Variants in SORBS2 observed in about 807,000 individuals in gnomAD.
SORBS2 encodes the protein sorbin and SH3 domain-containing protein 2.
A neutral mutation model predicts 97.7 loss-of-function variants in SORBS2; 46 were observed. That is an observed-to-expected ratio of 0.47 (90% CI 0.37 to 0.60). The LOEUF (loss-of-function observed/expected upper bound fraction) is 0.60, where lower values mean the gene tolerates loss of function less well. Ranked by LOEUF, SORBS2 falls within the 20% of genes least tolerant of loss-of-function variation. SORBS2 has a pLI of 0.00. For synonymous variants in SORBS2, 476 were observed against 473.4 expected (o/e 1.01, Z -0.07); for missense variants, 1,316 against 1,282.3 (o/e 1.03, Z -0.40).
chr4:185,816,048 T>A (rs2099193100), intron 1 of SORBS2, among the ~76,000 whole-genome samples: 1 of 152,242 alleles, frequency 6.6e-6, no homozygotes, highest in African/African-American at 2.4e-5. Flanking sequence ...CTACCATTAC[T>A]GTTACTCTGA....
chr4:185,895,826 AT>A (rs2099244745), intron 1 of SORBS2, among the ~76,000 whole-genome samples: 1 of 152,216 alleles, frequency 6.6e-6, no homozygotes, highest in African/African-American at 2.4e-5. Context: ...AAAGAATTTA[AT>A]TTTCAAATAA....
intron 1 of SORBS2, among the ~76,000 whole-genome samples, chr4:185,825,931 A>C (rs2099199533): frequency 6.6e-6 from 1 of 152,188 alleles, no homozygotes; most frequent in South Asian, 2.1e-4. Context: ...GCTATAGACT[A>C]TCTTCACCTG....
At chr4:185,676,783 A>C (rs148929315) in intron 4 of SORBS2, among the ~76,000 whole-genome samples, 1,873 of 152,328 alleles carry the variant, frequency 0.012, 18 homozygotes, top group Admixed American at 0.025. Context: ...TTTCTGGATG[A>C]AAGATCTGTA....
chr4:185,947,517 C>T lies in SORBS2; in HGVS notation c.-338+8679G>A, dbSNP rs181923250. Among the ~76,000 whole-genome samples the T allele has an allele frequency of 3.8e-4, 58 of 152,332 alleles. No homozygotes were observed. The East Asian group carries it at 0.011, about 28-fold the overall frequency. On this transcript the variant is annotated intron_variant, in intron 1 of 20. Coordinates refer to the SORBS2 transcript ENST00000284776. ...AGGCAAACCTGGGTTCCAACCCAACCTTCCAATTGCCAGCTCTGTGGTCTT... is the reference window on the plus strand; with the variant it reads ...AGGCAAACCTGGGTTCCAACCCAACTTTCCAATTGCCAGCTCTGTGGTCTT...
At chr4:185,846,379 G>C (rs371917320) in intron 1 of SORBS2, among the ~76,000 whole-genome samples, 14 of 152,314 alleles carry the variant, frequency 9.2e-5, no homozygotes, top group African/African-American at 3.4e-4. Context: ...ATCAGGGTTT[G>C]CCAGGGGCTG....
At chr4:185,781,911 C>T (rs2099033087) in intron 1 of SORBS2, among the ~76,000 whole-genome samples, 1 of 152,260 alleles carries the variant, frequency 6.6e-6, no homozygotes, top group Non-Finnish European at 1.5e-5. Flanking sequence ...AATCACCTTC[C>T]TCATTCCTTC....
At chr4:185,879,136 A>T (rs1379824589) in intron 1 of SORBS2, among the ~76,000 whole-genome samples, 1 of 136,682 alleles carries the variant, frequency 7.3e-6, no homozygotes. Context: ...CTCGCCATTT[A>T]CATTAGGTAT....
intron 1 of SORBS2, among the ~76,000 whole-genome samples, chr4:185,912,112 T>A (rs1325410700): frequency 6.6e-6 from 1 of 152,212 alleles, no homozygotes; most frequent in Non-Finnish European, 1.5e-5. Context: ...ATGCACAAAA[T>A]GCATGTTTAA....
chr4:185,641,831 C>T (rs888862920), intron 4 of SORBS2, among the ~76,000 whole-genome samples: 14 of 150,968 alleles, frequency 9.3e-5, no homozygotes, highest in South Asian at 2.1e-4. Context: ...TGCAAGAGGA[C>T]GTGTTCAAGA....
chr4:185,719,646 C>T (rs1025384882), intron 2 of SORBS2, among the ~76,000 whole-genome samples: 6 of 152,160 alleles, frequency 3.9e-5, no homozygotes, highest in Non-Finnish European at 7.4e-5. Context: ...AGTTTTTAGC[C>T]GCAAATGAGT....
chr4:185,690,817 G>A (rs908661083), intron 2 of SORBS2, among the ~76,000 whole-genome samples: 25 of 152,138 alleles, frequency 1.6e-4, no homozygotes, highest in African/African-American at 6.0e-4. Context: ...TCATAAAACA[G>A]ACATATTCTG....
chr4:185,887,202 T>C (rs2149792721), intron 1 of SORBS2, among the ~76,000 whole-genome samples: 1 of 152,356 alleles, frequency 6.6e-6, no homozygotes, highest in East Asian at 1.9e-4. Context: ...ACATAGGCGC[T>C]CACAGTTCAA....
At chr4:185,800,680 C>T (rs561215834) in intron 1 of SORBS2, among the ~76,000 whole-genome samples, 1 of 152,278 alleles carries the variant, frequency 6.6e-6, no homozygotes, top group South Asian at 2.1e-4. Flanking sequence ...CTCTTTTCTT[C>T]CTGCTGTCTT....
At chr4:185,709,357 T>C (rs376450914) in intron 2 of SORBS2, among the ~76,000 whole-genome samples, 1 of 126,664 alleles carries the variant, frequency 7.9e-6, no homozygotes, top group African/African-American at 3.0e-5. Flanking sequence ...AATAAAGAAA[T>C]AAAGAAACTT....
chr4:185,748,358 T>C (rs181606951), intron 2 of SORBS2, among the ~76,000 whole-genome samples: 142 of 152,332 alleles, frequency 9.3e-4, no homozygotes, highest in African/African-American at 3.3e-3. Context: ...ATGCTGGTTT[T>C]GATTTAGGCA....
chr4:185,677,713 A>G (rs200332089), intron 4 of SORBS2: 3 of 1,248,162 alleles, frequency 2.4e-6, no homozygotes, highest in East Asian at 5.6e-5. Context: ...TAGTCATGAA[A>G]GAAACCAGTG....
At chr4:185,907,062 GGAGGCA>G (rs1219944175) in intron 1 of SORBS2, among the ~76,000 whole-genome samples, 4 of 151,930 alleles carry the variant, frequency 2.6e-5, no homozygotes, top group African/African-American at 9.7e-5. Context: ...CTTGAACCTT[GGAGGCA>G]GAGGTTGCAG....
intron 1 of SORBS2, among the ~76,000 whole-genome samples, chr4:185,851,336 C>T (rs1171209848): frequency 6.6e-6 from 1 of 152,052 alleles, no homozygotes; most frequent in African/African-American, 2.4e-5. Context: ...TATTTAGAAA[C>T]AGGTATTTTT....
At chr4:185,616,134 G>C (rs142398630) in intron 9 of SORBS2, among the ~76,000 whole-genome samples, 14 of 152,210 alleles carry the variant, frequency 9.2e-5, no homozygotes, top group African/African-American at 3.4e-4. Context: ...CTTCTGCATT[G>C]TTTTGTTCAG....
Sources: gnomAD v4.1 joint callset for allele counts (sites outside exome capture counted in the v4.1 genomes callset) on GRCh38, gnomAD v4.1.1 for gene constraint, MANE v1.5 for transcripts, NCBI Gene and HGNC (gene_info 2026-07-23, HGNC 2026-07-21) for gene names.